PDE12: variants seen among roughly 807,000 people sequenced by gnomAD.
PDE12 encodes phosphodiesterase 12, also known as 2',5'-phosphodiesterase 12.
Under a neutral mutation model 45.4 loss-of-function variants are expected in PDE12, and 26 were observed. That is an observed-to-expected ratio of 0.57 (90% confidence interval 0.42 to 0.79). The LOEUF (loss-of-function observed/expected upper bound fraction) is 0.79, where lower values mean the gene tolerates loss of function less well. Among genes scored for constraint, PDE12 ranks in the 30% least tolerant of loss-of-function variants. The probability of loss-of-function intolerance (pLI) is 0.00; values close to 1 mark genes in which losing one functional copy is unlikely to be tolerated. For synonymous variants in PDE12, 283 were observed against 323.9 expected (o/e 0.87, Z 1.36); for missense variants, 668 against 790.0 (o/e 0.85, Z 1.85).
At chr3:57,607,157 A>T in the PDE12 span, among the ~76,000 whole-genome samples, 1 of 152,172 alleles carries the variant, frequency 6.6e-6, no homozygotes, top group Non-Finnish European at 1.5e-5. Flanking sequence ...GACCTCCAGC[A>T]AACTCCAACA....
chr3:57,611,799 A>G, the PDE12 span, among the ~76,000 whole-genome samples: 2 of 152,210 alleles, frequency 1.3e-5, no homozygotes, highest in Non-Finnish European at 2.9e-5. Context: ...ACTGTAAACT[A>G]GTTCAACCAT....
At chr3:57,628,124 C>A in the PDE12 span, 15 of 1,526,102 alleles carry the variant, frequency 9.8e-6, no homozygotes, top group Non-Finnish European at 1.3e-5. Flanking sequence ...CACTCCGCTG[C>A]CACTGAGAGA....
At chr3:57,582,905 G>C in the PDE12 span, among the ~76,000 whole-genome samples, 1 of 152,254 alleles carries the variant, frequency 6.6e-6, no homozygotes, top group Non-Finnish European at 1.5e-5. Context: ...ATGTAAGAGA[G>C]TTAGATTAGA....
At chr3:57,558,602 T>A (rs2069691738) in intron 1 of PDE12, among the ~76,000 whole-genome samples, 1 of 152,074 alleles carries the variant, frequency 6.6e-6, no homozygotes, top group African/African-American at 2.4e-5. Context: ...GCGATTCTCC[T>A]GCCTCAGCCT....
At chr3:57,575,038 A>AGGGTT in the PDE12 span, among the ~76,000 whole-genome samples, 1 of 152,082 alleles carries the variant, frequency 6.6e-6, no homozygotes, top group East Asian at 1.9e-4. Flanking sequence ...TAGTAGAGAC[A>AGGGTT]GGGTTTCTCC....
At chr3:57,612,383 A>T in the PDE12 span, among the ~76,000 whole-genome samples, 2 of 152,182 alleles carry the variant, frequency 1.3e-5, no homozygotes, top group Non-Finnish European at 2.9e-5. Flanking sequence ...TAGAACTTAA[A>T]GTATAATAAT....
the PDE12 span, among the ~76,000 whole-genome samples, chr3:57,585,685 C>CA: frequency 1.7e-5 from 2 of 114,534 alleles, no homozygotes; most frequent in Non-Finnish European, 3.5e-5. Flanking sequence ...TTTTTTGAGA[C>CA]AGAGTATCAC....
chr3:57,604,176 C>A, the PDE12 span, among the ~76,000 whole-genome samples: 1 of 152,034 alleles, frequency 6.6e-6, no homozygotes, highest in Non-Finnish European at 1.5e-5. Flanking sequence ...CCCACCTTGG[C>A]CTCCCAAAGT....
the PDE12 span, chr3:57,627,659 G>A: frequency 2.0e-5 from 3 of 152,372 alleles, no homozygotes; most frequent in Admixed American, 1.3e-4. Context: ...TCACTCAACA[G>A]AATACCTTAT....
At chr3:57,618,004 C>T in the PDE12 span, among the ~76,000 whole-genome samples, 1 of 152,044 alleles carries the variant, frequency 6.6e-6, no homozygotes, top group East Asian at 1.9e-4. Flanking sequence ...CAGCTGGAGG[C>T]CATTATCCTT....
the PDE12 span, among the ~76,000 whole-genome samples, chr3:57,587,349 C>T: frequency 2.1e-5 from 3 of 143,122 alleles, no homozygotes; most frequent in Non-Finnish European, 4.6e-5. Context: ...AAAAGTAAAT[C>T]CAAAAATACT....
the PDE12 span, chr3:57,633,259 AC>A: frequency 6.2e-7 from 1 of 1,606,596 alleles, no homozygotes; most frequent in South Asian, 1.1e-5. Context: ...TTATTTATTA[AC>A]TTACTAATGG....
the PDE12 span, among the ~76,000 whole-genome samples, chr3:57,614,706 G>A: frequency 1.3e-5 from 2 of 150,296 alleles, no homozygotes; most frequent in Admixed American, 1.3e-4. Flanking sequence ...CAACACGCCC[G>A]GCTAAATTTT....
the PDE12 span, among the ~76,000 whole-genome samples, chr3:57,614,989 T>G: frequency 6.9e-6 from 1 of 145,026 alleles, no homozygotes; most frequent in African/African-American, 2.5e-5. Context: ...TGGGACTGTG[T>G]CTCAAAAAAA....
At position 57,557,705 on chromosome 3, in the gene PDE12, G is replaced by T. The variant is rs200349596; in HGVS notation, c.1308+18G>T. ...TTCTTCAGGTAAAGTAGTTCCGCCC[G>T]TCTCTTCACATACTGTCCCACTTTT... On this transcript the variant is annotated intron_variant, in intron 1 of 2. Transcript: ENST00000311180. The T allele has an allele frequency of 6.2e-7, 1 of 1,605,440 alleles. No individual in the cohort carries two copies. The highest frequency in any genetic ancestry group is 2.2e-5 in the East Asian group (1 of 44,818).
At chr3:57,656,420 T>C in the PDE12 span, among the ~76,000 whole-genome samples, 1 of 152,190 alleles carries the variant, frequency 6.6e-6, no homozygotes, top group Non-Finnish European at 1.5e-5. Flanking sequence ...TGTTTGTCCA[T>C]TTACCAGTTG....
chr3:57,605,549 T>TA, the PDE12 span, among the ~76,000 whole-genome samples: 2 of 152,134 alleles, frequency 1.3e-5, no homozygotes, highest in Non-Finnish European at 2.9e-5. Flanking sequence ...TGGACCTACC[T>TA]AAAAAATTAT....
chr3:57,579,447 C>T, the PDE12 span, among the ~76,000 whole-genome samples: 12 of 151,926 alleles, frequency 7.9e-5, no homozygotes, highest in African/African-American at 2.9e-4. Context: ...ACCATTACAC[C>T]TGGCTAATTT....
the PDE12 span, among the ~76,000 whole-genome samples, chr3:57,622,567 C>A: frequency 2.0e-5 from 3 of 152,182 alleles, no homozygotes; most frequent in African/African-American, 7.2e-5. Flanking sequence ...ACATCCCCCT[C>A]ATACCACTCC....
Sources: allele counts gnomAD v4.1 joint callset (sites outside exome capture counted in the v4.1 genomes callset), GRCh38; gene constraint gnomAD v4.1.1; transcripts MANE v1.5; gene names NCBI Gene and HGNC (gene_info 2026-07-23, HGNC 2026-07-21).